The following TRIM37 variants were observed in gnomAD, a reference collection of about 807,000 sequenced individuals.
TRIM37 encodes tripartite motif containing 37.
Under a neutral mutation model 129.8 loss-of-function variants are expected in TRIM37, and 80 were observed. The observed-to-expected ratio is 0.62, with a 90% CI of 0.51 to 0.74. The LOEUF is 0.74. Among genes scored for constraint, TRIM37 ranks in the 30% least tolerant of loss-of-function variants. The pLI, the probability that TRIM37 is intolerant of heterozygous loss-of-function variation, is 0.00. For synonymous variants in TRIM37, 389 were observed against 387.1 expected, an observed-to-expected ratio of 1.00 and a Z score of -0.06; for missense variants, 1,054 against 1,176.5, an observed-to-expected ratio of 0.90 and a Z score of 1.52.
At position 59,032,074 on chromosome 17, in the gene TRIM37, A is replaced by G. The variant is rs1420519265; in HGVS notation, c.1770T>C (p.Tyr590=). Residue 590 remains tyrosine, a synonymous_variant, in exon 18 of 24, where the codon TAT becomes TAC. Coordinates refer to ENST00000262294, the MANE Select transcript of TRIM37 (RefSeq NM_015294.6). ...TTGATATTCTACTACTGGAACCCAC[A>G]TAACCATGGCTACTACCTGCAAAAG... The part of the protein sequence containing the change: ...AAGPAGSSHG[Y]VGSSSRISRR... 2 of 1,613,966 alleles carry G rather than the reference A, an allele frequency of 1.2e-6. No homozygotes were observed. The highest frequency in any genetic ancestry group is 1.7e-6 in the Non-Finnish European group (2 of 1,180,042).
rs1224165000 is a variant in TRIM37, at chr17:59,079,836, A to C, written c.534T>G (p.Arg178=). Residue 178 remains arginine, a synonymous_variant, in exon 7 of 24, where the codon CGT becomes CGG. Transcript: ENST00000262294. ...VEAVRNAKDE[R]VREIRNAVEM... ...CCACTGCATTCCTAATTTCCCGAAC[A>C]CGCTCATCTTTTGCATTTCTTACAG... 1 of 1,614,038 alleles carries C rather than the reference A, an allele frequency of 6.2e-7. No homozygotes were observed. The highest frequency in any genetic ancestry group is 8.5e-7 in the Non-Finnish European group (1 of 1,179,962).
chr17:58,992,427 C>A (rs914931009), intron 24 of TRIM37, among the ~76,000 whole-genome samples: 3 of 151,370 alleles, frequency 2.0e-5, no homozygotes, highest in Non-Finnish European at 4.4e-5. Flanking sequence ...TTTGCCCAGG[C>A]TGGAGTGCGA....
Position 59,061,099 on chromosome 17 carries a change from C to T in TRIM37, c.952G>A (p.Gly318Arg). ...GATAAGTAGTAACCTCGCACAACTC[C>T]ATTTCCATCCTAAAAGAAGAATAAT... is the stretch of plus-strand genomic sequence containing the variant. ...WRLKVYPDGN[G>R]VVRGYYLSVF... is the part of the protein sequence containing the mutation. The change falls in exon 12 of 24, where the codon GGA becomes AGA. Residue 318 changes from glycine (G) to arginine (R), a missense_variant. By Grantham distance (125) the Gly-to-Arg change is moderately radical. Transcript: ENST00000262294. The T allele has an allele frequency of 6.2e-7, 1 of 1,613,348 alleles. No homozygotes were observed. Among genetic ancestry groups the T allele is most frequent in the Non-Finnish European group, 8.5e-7 (1 of 1,179,534 alleles).
At position 59,074,145 on chromosome 17, in the gene TRIM37, T is replaced by G. The variant is rs115893441; in HGVS notation, c.684+1502A>C. On this transcript the variant is annotated intron_variant, in intron 8 of 23. Coordinates refer to ENST00000262294, the MANE Select transcript of TRIM37 (RefSeq NM_015294.6). ...ACACATGATTAATGCTTTGTGCTAC[T>G]ACATTACAATGGCTATGATGTCATT... is the stretch of plus-strand genomic sequence containing the variant. Among the ~76,000 whole-genome samples, 1,331 of 152,376 alleles carry G rather than the reference T, an allele frequency of 8.7e-3. 20 individuals are homozygous for G. Among genetic ancestry groups the G allele is most frequent in the African/African-American group, 0.03 (1,240 of 41,590 alleles).
At chr17:59,098,839 T>C (rs1215546929) in intron 2 of TRIM37, among the ~76,000 whole-genome samples, 2 of 151,966 alleles carry the variant, frequency 1.3e-5, no homozygotes, top group South Asian at 2.1e-4. Flanking sequence ...CTATTAACAA[T>C]ATCCAATATC....
chr17:59,095,446 G>C (rs1231667107), intron 2 of TRIM37, among the ~76,000 whole-genome samples: 1 of 152,152 alleles, frequency 6.6e-6, no homozygotes, highest in Non-Finnish European at 1.5e-5. Context: ...AAGTTAGAAT[G>C]GGTTGAAGGG....
intron 17 of TRIM37, among the ~76,000 whole-genome samples, chr17:59,036,441 G>T (rs1450485694): frequency 7.1e-6 from 1 of 140,374 alleles, no homozygotes; most frequent in Non-Finnish European, 1.5e-5. Flanking sequence ...GTTTGTATTT[G>T]CTGGGGGTGT....
intron 13 of TRIM37, among the ~76,000 whole-genome samples, chr17:59,055,641 T>A (rs1425201230): frequency 1.5e-5 from 2 of 131,904 alleles, no homozygotes; most frequent in Admixed American, 1.9e-4. Flanking sequence ...GAGCTTGCAG[T>A]GAGCCGATAT....
At chr17:59,070,306 G>T (rs756283649) in intron 9 of TRIM37, among the ~76,000 whole-genome samples, 1 of 152,124 alleles carries the variant, frequency 6.6e-6, no homozygotes, top group African/African-American at 2.4e-5. Context: ...ATAACATGGC[G>T]TCACCTTCAA....
intron 1 of TRIM37, among the ~76,000 whole-genome samples, chr17:59,105,498 A>T (rs2045914098): frequency 6.6e-6 from 1 of 152,258 alleles, no homozygotes; most frequent in Non-Finnish European, 1.5e-5. Flanking sequence ...AAAAGGATAC[A>T]ATTAAACGTA....
intron 19 of TRIM37, among the ~76,000 whole-genome samples, chr17:59,019,875 C>G (rs992800850): frequency 2.6e-5 from 4 of 151,910 alleles, no homozygotes; most frequent in African/African-American, 9.7e-5. Context: ...TCTAGACTTA[C>G]GAAAAATGAT....
chr17:59,103,954 A>G (rs538517848), intron 2 of TRIM37, among the ~76,000 whole-genome samples: 1 of 152,168 alleles, frequency 6.6e-6, no homozygotes, highest in Non-Finnish European at 1.5e-5. Flanking sequence ...ATTCATCTCT[A>G]GAGTGTCTTG....
At chr17:58,985,552 G>A (rs2031724535) in intron 24 of TRIM37, among the ~76,000 whole-genome samples, 1 of 152,172 alleles carries the variant, frequency 6.6e-6, no homozygotes, top group African/African-American at 2.4e-5. Context: ...TGAGTTTCAA[G>A]CTAGAAGAAA....
chr17:58,983,131 A>T (rs1328881570), intron 24 of TRIM37: 1 of 514,094 alleles, frequency 1.9e-6, no homozygotes, highest in East Asian at 3.1e-5. Context: ...AACTGGGACA[A>T]ACACAGACCC....
At chr17:59,070,115 C>T (rs1319364725) in intron 9 of TRIM37, among the ~76,000 whole-genome samples, 1 of 152,194 alleles carries the variant, frequency 6.6e-6, no homozygotes, top group African/African-American at 2.4e-5. Flanking sequence ...GATTAATTTT[C>T]AGCCAAATCC....
chr17:59,039,652 G>C (rs2145843209), intron 17 of TRIM37, among the ~76,000 whole-genome samples: 1 of 151,766 alleles, frequency 6.6e-6, no homozygotes, highest in Middle Eastern at 3.4e-3. Context: ...GCCCAGGATG[G>C]CCAGTCTTTA....
chr17:59,001,526 G>A (rs868722881), intron 23 of TRIM37, 72 bp downstream of exon 23: 2 of 1,595,240 alleles, frequency 1.3e-6, no homozygotes, highest in Admixed American at 1.7e-5. Flanking sequence ...AGTAGCAGCA[G>A]CAGAAGAAGA....
Position 59,031,920 on chromosome 17 carries a change from GT to G in TRIM37, c.1923del (p.Pro642LeufsTer31), listed in dbSNP as rs1461611759. 1 of 1,613,944 alleles carries G rather than the reference GT, an allele frequency of 6.2e-7. No homozygotes were observed. Reference protein sequence around the residue: ...IENLWGLQPRPPASLLQPTAS... With the variant: ...IENLWGLQPRXPASLLQPTAS... ...CCTGTGGGCTGCAGAAGTGAAGCAGGTGGGCGAGGCTGTAAGCCCCACAAAT... is the reference window on the plus strand; with the variant it reads ...CCTGTGGGCTGCAGAAGTGAAGCAGGGGGCGAGGCTGTAAGCCCCACAAAT... On this transcript the variant is annotated frameshift_variant, in exon 18 of 24. Coordinates refer to ENST00000262294, the MANE Select transcript of TRIM37 (RefSeq NM_015294.6). LOFTEE classifies it high-confidence loss of function.
At position 59,064,368 on chromosome 17, in the gene TRIM37, A is replaced by G. The variant is rs777601929; in HGVS notation, c.847T>C (p.Leu283=). The part of the protein sequence containing the change: ...VPSYDSATFV[L]ENFSTLRQRA... ...AAAAACTCTTACCTGAAATTCTCTAAAACAAAAGTAGCTGAATCGTAAGAT... is the reference window on the plus strand; with the variant it reads ...AAAAACTCTTACCTGAAATTCTCTAGAACAAAAGTAGCTGAATCGTAAGAT... The change falls in exon 10 of 24, where the codon TTA becomes CTA. Residue 283 remains leucine (L), a synonymous_variant. Transcript: ENST00000262294. The G allele has an allele frequency of 8.1e-6, 13 of 1,602,138 alleles. No homozygotes were observed. Among genetic ancestry groups the G allele is most frequent in the Admixed American group, 5.1e-5 (3 of 58,964 alleles).
Sources: allele counts gnomAD v4.1 joint callset (sites outside exome capture counted in the v4.1 genomes callset), GRCh38; gene constraint gnomAD v4.1.1; transcripts MANE v1.5; gene names NCBI Gene and HGNC (gene_info 2026-07-23, HGNC 2026-07-21).